PRH1: variants seen among roughly 807,000 people sequenced by gnomAD.
The protein encoded by PRH1 is salivary acidic proline-rich phosphoprotein 1/2.
A neutral mutation model predicts 7.9 loss-of-function variants in PRH1; 7 were observed. That is an observed-to-expected ratio of 0.89 (90% CI 0.50 to 1.67). PRH1 has a LOEUF of 1.67. PRH1 is among the 40% of genes most tolerant of loss of function. The pLI, the probability that PRH1 is intolerant of heterozygous loss-of-function variation, is 0.00. For missense variants in PRH1, 109 were observed against 223.6 expected (o/e 0.49, Z 3.27); for synonymous variants, 45 against 80.8 (o/e 0.56, Z 2.38).
At chr12:11,005,899 T>C (rs747892100) in intron 1 of PRH1, 8 of 152,138 alleles carry the variant, frequency 5.3e-5, no homozygotes, top group Non-Finnish European at 1.2e-4. Flanking sequence ...GGGCACTTAT[T>C]AAAAAATATG....
intron 1 of PRH1, among the ~76,000 whole-genome samples, chr12:11,132,783 T>C (rs1484704985): frequency 1.3e-5 from 2 of 152,230 alleles, no homozygotes; most frequent in Admixed American, 6.5e-5. Flanking sequence ...GAATTCATAA[T>C]GGAATAAAAC....
At chr12:11,156,737 T>C (rs1019275416) in intron 1 of PRH1, among the ~76,000 whole-genome samples, 8 of 152,176 alleles carry the variant, frequency 5.3e-5, no homozygotes, top group African/African-American at 1.9e-4. Context: ...AATAAAATAC[T>C]CATAATACCA....
intron 1 of PRH1, among the ~76,000 whole-genome samples, chr12:11,105,517 A>C (rs1945384114): frequency 6.6e-6 from 1 of 152,214 alleles, no homozygotes; most frequent in African/African-American, 2.4e-5. Context: ...ATGATTTCCA[A>C]AACAGCTCAA....
upstream of PRH1, among the ~76,000 whole-genome samples, chr12:11,047,515 C>CA (rs35592412): frequency 0.18 from 15,590 of 84,688 alleles, 1,195 homozygotes; most frequent in African/African-American, 0.32. Context: ...ATGTCAATTT[C>CA]AAAAAAAAAA....
At chr12:11,149,427 G>A (rs1028187988) in intron 1 of PRH1, among the ~76,000 whole-genome samples, 1 of 151,936 alleles carries the variant, frequency 6.6e-6, no homozygotes, top group African/African-American at 2.4e-5. Context: ...TATACTACAA[G>A]GCTACAGTAA....
At position 10,913,642 on chromosome 12, in the gene PRH1, C is replaced by T. The variant is rs545175831; in HGVS notation, c.-58-29367G>A. 4.9e-4 allele frequency among the ~76,000 whole-genome samples: 74 copies of T among 152,182 alleles called. No individual in the cohort carries two copies. The Middle Eastern group carries it at 0.01, about 21-fold the overall frequency. ...TAGAGCTATATGCTAACATTTTATTCCTTGTAGGATAAGAAATGTAGTCTT... is the reference window on the plus strand; with the variant it reads ...TAGAGCTATATGCTAACATTTTATTTCTTGTAGGATAAGAAATGTAGTCTT... On this transcript the variant is annotated intron_variant, in intron 2 of 3. Coordinates refer to the PRH1 transcript ENST00000539853.
intron 2 of PRH1, among the ~76,000 whole-genome samples, chr12:10,914,846 T>C (rs1178543432): frequency 1.3e-5 from 2 of 152,182 alleles, no homozygotes; most frequent in Non-Finnish European, 2.9e-5. Flanking sequence ...AACTCAGCCA[T>C]GGCTGGGCAC....
chr12:11,108,610 T>C (rs562381448), intron 1 of PRH1, among the ~76,000 whole-genome samples: 2 of 152,262 alleles, frequency 1.3e-5, no homozygotes, highest in African/African-American at 4.8e-5. Context: ...TAAGGGACCA[T>C]GCAGTGAGGG....
downstream of PRH1, among the ~76,000 whole-genome samples, chr12:11,118,458 G>C (rs182989994): frequency 5.3e-5 from 8 of 152,158 alleles, no homozygotes; most frequent in African/African-American, 1.9e-4. Context: ...GGGAACCACT[G>C]TACACCGCAG....
chr12:10,900,336 G>T (rs1009348103), intron 2 of PRH1, among the ~76,000 whole-genome samples: 2 of 152,170 alleles, frequency 1.3e-5, no homozygotes, highest in African/African-American at 4.8e-5. Flanking sequence ...CTGGGAAAAG[G>T]TTCAGGCCTT....
intron 1 of PRH1, among the ~76,000 whole-genome samples, chr12:11,085,940 T>C (rs1230066378): frequency 8.4e-6 from 1 of 119,546 alleles, no homozygotes; most frequent in Non-Finnish European, 2.0e-5. Flanking sequence ...TGATTCATTT[T>C]TTCAATGCCA....
chr12:11,017,990 A>G (rs73047126), intron 1 of PRH1, among the ~76,000 whole-genome samples: 6,581 of 107,330 alleles, frequency 0.061, no homozygotes, highest in East Asian at 0.33. Flanking sequence ...CAGATGGGTT[A>G]CAGAATGAAT....
intron 1 of PRH1, among the ~76,000 whole-genome samples, chr12:11,129,616 A>G (rs1208413832): frequency 6.6e-6 from 1 of 152,284 alleles, no homozygotes; most frequent in African/African-American, 2.4e-5. Flanking sequence ...ACTTAAATCA[A>G]CACTCACAAA....
At chr12:10,909,429 G>T in intron 2 of PRH1, 1 of 644,428 alleles carries the variant, frequency 1.6e-6, no homozygotes, top group South Asian at 2.2e-5. Context: ...TTTCATTGTT[G>T]GCTCAACGTC....
At chr12:11,137,363 A>T (rs1475334375) in intron 1 of PRH1, among the ~76,000 whole-genome samples, 2 of 152,222 alleles carry the variant, frequency 1.3e-5, no homozygotes, top group Admixed American at 6.5e-5. Flanking sequence ...GGTGCTTCTA[A>T]GGAATTCCAC....
intron 1 of PRH1, among the ~76,000 whole-genome samples, chr12:11,138,632 A>C (rs2136387229): frequency 6.6e-6 from 1 of 152,358 alleles, no homozygotes; most frequent in Middle Eastern, 3.4e-3. Context: ...ATTGGAAATA[A>C]GAATAAAGGT....
chr12:11,036,493 G>A (rs753835698), intron 1 of PRH1, among the ~76,000 whole-genome samples: 2 of 152,136 alleles, frequency 1.3e-5, no homozygotes, highest in Non-Finnish European at 1.5e-5. Context: ...CCTAAAATCC[G>A]CTCTTTAGAA....
chr12:11,020,363 G>GATATATCTATATATCTATATAT (rs1941545453), intron 1 of PRH1, among the ~76,000 whole-genome samples: 2 of 87,582 alleles, frequency 2.3e-5, no homozygotes, highest in Admixed American at 1.3e-4. Context: ...TATGATAAGC[G>GATATATCTATATATCTATATAT]ATATATATAT....
rs115891288 is a variant in PRH1 at position 10,911,056 on chromosome 12, A to G, written c.-58-26781T>C. Among the ~76,000 whole-genome samples, 1,019 of 152,314 alleles carry G rather than the reference A, an allele frequency of 6.7e-3. 11 individuals carry two copies. Among genetic ancestry groups the G allele is most frequent in the African/African-American group, 0.023 (948 of 41,572 alleles). On this transcript the variant is annotated intron_variant, in intron 2 of 3. Coordinates refer to the PRH1 transcript ENST00000539853. ...CTTTAACAGTTTGTTAGGTTTGTATATTTATGACCTTTAAATATGTAGCTA... is the reference window on the plus strand; with the variant it reads ...CTTTAACAGTTTGTTAGGTTTGTATGTTTATGACCTTTAAATATGTAGCTA...
Sources: allele counts gnomAD v4.1 joint callset (sites outside exome capture counted in the v4.1 genomes callset), GRCh38; gene constraint gnomAD v4.1.1; transcripts MANE v1.5; gene names NCBI Gene and HGNC (gene_info 2026-07-23, HGNC 2026-07-21).